GSE1: variants seen among roughly 807,000 people sequenced by gnomAD.
GSE1 encodes the protein genetic suppressor element 1.
In GSE1, 32 loss-of-function variants were observed where a neutral mutation model predicts 112.6. That is an observed-to-expected ratio of 0.28 (90% CI 0.21 to 0.38). The LOEUF (loss-of-function observed/expected upper bound fraction) is 0.38. Among genes scored for constraint, GSE1 ranks in the 10% least tolerant of loss-of-function variants. GSE1 has a pLI of 1.00. For missense variants in GSE1, 2,348 were observed against 1,699.2 expected (o/e 1.38, Z -6.71); for synonymous variants, 1,115 against 735.6 (o/e 1.52, Z -8.35).
chr16:85,233,973 G>T (rs1904343255), intron 1 of GSE1, among the ~76,000 whole-genome samples: 1 of 152,150 alleles, frequency 6.6e-6, no homozygotes, highest in Non-Finnish European at 1.5e-5. Context: ...CCTCAAACCT[G>T]AATGGGCCCC....
At chr16:85,286,844 CA>C (rs2045044012) in intron 1 of GSE1, among the ~76,000 whole-genome samples, 1 of 152,072 alleles carries the variant, frequency 6.6e-6, no homozygotes, top group Admixed American at 6.6e-5. Flanking sequence ...GGATTAAAAA[CA>C]AAATAGTGAG....
In GSE1 at chr16:85,281,049, C is replaced by G. The variant is rs74031773; in HGVS notation, c.2284-76414C>G. 2.4e-4 allele frequency among the ~76,000 whole-genome samples: 37 copies of G among 152,252 alleles called. No individual in the cohort carries two copies. In the East Asian group the frequency reaches 6.6e-3, roughly 27 times the overall value. On this transcript the variant is annotated intron_variant, in intron 1 of 2. Transcript: ENST00000637419. ...GGGTTGCGGGGAAGTTTGAGATGAACGGCTCTCCCTGCTCTAAAGTCACTT... is the reference window on the plus strand; with the variant it reads ...GGGTTGCGGGGAAGTTTGAGATGAAGGGCTCTCCCTGCTCTAAAGTCACTT...
Position 85,672,704 on chromosome 16 carries a change from C to G in GSE1, c.*165C>G. ...CTCCAGAAAAAATGAATGAACTCAC[C>G]TTGACGTCAATGCAATTGAATCACC... On this transcript the variant is annotated 3_prime_UTR_variant, in exon 16 of 16. Coordinates refer to ENST00000253458, the MANE Select transcript of GSE1 (RefSeq NM_014615.5). 1 of 461,006 alleles carries G rather than the reference C, an allele frequency of 2.2e-6. No individual in the cohort carries two copies. The highest frequency in any genetic ancestry group is 3.8e-6 in the Non-Finnish European group (1 of 265,500). 28.6% of individuals were successfully genotyped at this position (461,006 alleles called of 1,614,324 possible).
upstream of GSE1, chr16:85,613,015 G>A: frequency 3.4e-6 from 1 of 290,574 alleles, no homozygotes; most frequent in Non-Finnish European, 6.3e-6. Context: ...CACCTCCGCG[G>A]CCCCGCTGGT....
At chr16:85,641,677 C>T (rs1407462198) in intron 2 of GSE1, among the ~76,000 whole-genome samples, 17 of 152,384 alleles carry the variant, frequency 1.1e-4, no homozygotes, top group Admixed American at 6.5e-4. Flanking sequence ...ATGGGGACTT[C>T]ACCTTCCAGA....
chr16:85,593,332 C>T (rs1177931719), intron 1 of GSE1: 1 of 152,156 alleles, frequency 6.6e-6, no homozygotes, highest in Admixed American at 6.5e-5. Context: ...CCATGGGGCC[C>T]AGCACAAGCT....
chr16:85,649,969 T>C (rs1469729111), intron 3 of GSE1, among the ~76,000 whole-genome samples: 1 of 152,128 alleles, frequency 6.6e-6, no homozygotes, highest in East Asian at 1.9e-4. Flanking sequence ...TGGGAATCCC[T>C]GGGAGCTCCG....
chr16:85,307,308 G>C (rs1256754045), intron 1 of GSE1, among the ~76,000 whole-genome samples: 1 of 152,168 alleles, frequency 6.6e-6, no homozygotes, highest in African/African-American at 2.4e-5. Context: ...TGTTCTCTCT[G>C]GTTTAACCAC....
intron 2 of GSE1, among the ~76,000 whole-genome samples, chr16:85,521,623 C>T (rs1033843080): frequency 2.0e-5 from 3 of 152,260 alleles, no homozygotes; most frequent in Non-Finnish European, 4.4e-5. Context: ...GCATCCTTCC[C>T]TTGCAGTCAG....
intron 1 of GSE1, among the ~76,000 whole-genome samples, chr16:85,249,468 C>G (rs1906217076): frequency 1.3e-5 from 2 of 152,222 alleles, no homozygotes; most frequent in Admixed American, 1.3e-4. Context: ...AGACTGGGAC[C>G]CTGAGTGGCA....
chr16:85,190,325 A>G (rs557575728), intron 1 of GSE1, among the ~76,000 whole-genome samples: 11 of 152,388 alleles, frequency 7.2e-5, no homozygotes, highest in African/African-American at 2.6e-4. Context: ...ATCACAGATC[A>G]TAAAGAATTG....
chr16:85,577,667 G>A (rs971931856), intron 1 of GSE1, among the ~76,000 whole-genome samples: 2 of 152,128 alleles, frequency 1.3e-5, no homozygotes, highest in African/African-American at 4.8e-5. Flanking sequence ...GGGTCACCCG[G>A]CAGGTCCTGA....
At chr16:85,415,059 C>T (rs1307429923) in intron 2 of GSE1, among the ~76,000 whole-genome samples, 1 of 152,200 alleles carries the variant, frequency 6.6e-6, no homozygotes, top group Non-Finnish European at 1.5e-5. Flanking sequence ...ATCCTCTTGC[C>T]TCAGCCTCCT....
At chr16:85,248,797 G>A (rs1276685569) in intron 1 of GSE1, among the ~76,000 whole-genome samples, 1 of 151,910 alleles carries the variant, frequency 6.6e-6, no homozygotes, top group African/African-American at 2.4e-5. Flanking sequence ...CCTCCCTTTG[G>A]GTGAAGATAC....
At chr16:85,207,164 C>T (rs926752550) in intron 1 of GSE1, among the ~76,000 whole-genome samples, 1 of 152,166 alleles carries the variant, frequency 6.6e-6, no homozygotes, top group Non-Finnish European at 1.5e-5. Context: ...TTCAGGGAGG[C>T]AGAATGTGGA....
At chr16:85,439,611 G>A (rs2049330103) in intron 2 of GSE1, among the ~76,000 whole-genome samples, 2 of 152,118 alleles carry the variant, frequency 1.3e-5, no homozygotes, top group South Asian at 4.1e-4. Context: ...GTCAGTGGGG[G>A]GTGGGCTTCT....
At chr16:85,230,730 G>A (rs1409813546) in intron 1 of GSE1, among the ~76,000 whole-genome samples, 1 of 152,248 alleles carries the variant, frequency 6.6e-6, no homozygotes, top group African/African-American at 2.4e-5. Flanking sequence ...TATAAAGGGG[G>A]AAAGGGGTGT....
intron 2 of GSE1, among the ~76,000 whole-genome samples, chr16:85,514,399 C>T (rs74031828): frequency 0.031 from 4,449 of 145,714 alleles, 299 homozygotes; most frequent in African/African-American, 0.11. Flanking sequence ...CTGAGTCCTG[C>T]CCCCAGGATG....
At position 85,655,780 on chromosome 16, in the gene GSE1, C is replaced by T. The variant is rs763298071; in HGVS notation, c.852C>T (p.Pro284=). The T allele has an allele frequency of 2.5e-6, 4 of 1,609,832 alleles. No individual in the cohort carries two copies. Among genetic ancestry groups the T allele is most frequent in the African/African-American group, 1.3e-5 (1 of 74,864 alleles). ...TGAGGTCCCCGTTCTACCCCATCCCCACCCCCGGCTCCCTGCCCCCACTGC... is the reference window on the plus strand; with the variant it reads ...TGAGGTCCCCGTTCTACCCCATCCCTACCCCCGGCTCCCTGCCCCCACTGC... ...SALRSPFYPI[P]TPGSLPPLHP... The change falls in exon 6 of 16, where the codon CCC becomes CCT. Residue 284 remains proline (P), a synonymous_variant. Transcript: ENST00000253458.
Sources: gnomAD v4.1 joint callset for allele counts (sites outside exome capture counted in the v4.1 genomes callset) on GRCh38, gnomAD v4.1.1 for gene constraint, MANE v1.5 for transcripts, NCBI Gene and HGNC (gene_info 2026-07-23, HGNC 2026-07-21) for gene names.